The following GNAZ variants were observed in gnomAD, a reference collection of about 807,000 sequenced individuals.
GNAZ encodes G protein subunit alpha z.
A neutral mutation model predicts 25.4 loss-of-function variants in GNAZ; 3 were observed. The ratio of observed to expected loss-of-function variants is 0.12; its 90% CI spans 0.05 to 0.30. The LOEUF is 0.30. GNAZ is among the 10% of genes least tolerant of loss of function. GNAZ has a pLI of 1.00. For missense variants in GNAZ, 241 were observed against 501.8 expected (o/e 0.48, Z 4.97); for synonymous variants, 211 against 205.7 (o/e 1.03, Z -0.22).
intron 1 of GNAZ, among the ~76,000 whole-genome samples, chr22:23,093,237 A>C (rs1331644700): frequency 1.3e-5 from 2 of 152,188 alleles, no homozygotes; most frequent in Non-Finnish European, 2.9e-5. Flanking sequence ...GTGACTGTTT[A>C]ATCACTGCCC....
At chr22:23,110,679 T>C (rs1254690539) in intron 2 of GNAZ, among the ~76,000 whole-genome samples, 2 of 152,256 alleles carry the variant, frequency 1.3e-5, no homozygotes. Flanking sequence ...ACTGGTCTGC[T>C]GTGGTGTGAG....
At chr22:23,099,242 G>T (rs1039542346) in intron 2 of GNAZ, among the ~76,000 whole-genome samples, 1 of 152,272 alleles carries the variant, frequency 6.6e-6, no homozygotes, top group Non-Finnish European at 1.5e-5. Context: ...GTGAGTGCAG[G>T]GCAGCACCTC....
Position 23,116,241 on chromosome 22 carries a change from C to T in GNAZ, c.724-6846C>T, listed in dbSNP as rs187004717. Among the ~76,000 whole-genome samples, 10 of 152,352 alleles carry T rather than the reference C, an allele frequency of 6.6e-5. No individual in the cohort carries two copies. In the South Asian group the frequency reaches 1.0e-3, roughly 16 times the overall value. ...GCCTTCTGGGGGCCACTGGCCTACT[C>T]GAGGCACAGTGAGTTGTGGGAACGA... On this transcript the variant is annotated intron_variant, in intron 2 of 2. Transcript: ENST00000615612.
chr22:23,099,196 G>A (rs1336709267), intron 2 of GNAZ, among the ~76,000 whole-genome samples: 1 of 152,258 alleles, frequency 6.6e-6, no homozygotes, highest in Non-Finnish European at 1.5e-5. Flanking sequence ...CAAGGAGAAC[G>A]TCAGTGTCTC....
chr22:23,096,482 G>A lies in GNAZ; in HGVS notation c.723+64G>A. 4 of 1,508,364 alleles carry A rather than the reference G, an allele frequency of 2.7e-6. No homozygotes were observed. The Admixed American group carries it at 7.1e-5, about 27-fold the overall frequency. The allele number at this position is 1,508,364 out of a possible 1,614,324, so 93.4% of individuals were successfully genotyped here. On this transcript the variant is annotated intron_variant, in intron 2 of 2. Transcript: ENST00000615612. ...TGTCGTGGGTTCCTGGAAGCAAGAGGACTCGTGAGGTCCAGGACAGTCTGC... is the reference window on the plus strand; with the variant it reads ...TGTCGTGGGTTCCTGGAAGCAAGAGAACTCGTGAGGTCCAGGACAGTCTGC...
chr22:23,076,347 G>A lies in GNAZ; in HGVS notation c.-450+5777G>A, dbSNP rs117881605. On this transcript the variant is annotated intron_variant, in intron 1 of 2. Transcript: ENST00000615612. ...AATCGCCACCCAGGGAGTCGCTGTG[G>A]AGGGACTGAATATTCGCAGACAGTC... Among the ~76,000 whole-genome samples, 389 of 152,344 alleles carry A rather than the reference G, an allele frequency of 2.6e-3. 1 individual carries two copies. The highest frequency in any genetic ancestry group is 3.9e-3 in the Non-Finnish European group (264 of 68,024).
intron 1 of GNAZ, among the ~76,000 whole-genome samples, chr22:23,094,612 G>A (rs2069072741): frequency 6.6e-6 from 1 of 152,218 alleles, no homozygotes; most frequent in Non-Finnish European, 1.5e-5. Context: ...GGCAGCCCCT[G>A]CCCACTGTGC....
intron 1 of GNAZ, among the ~76,000 whole-genome samples, chr22:23,079,841 G>A (rs986050816): frequency 3.3e-5 from 5 of 152,170 alleles, no homozygotes; most frequent in African/African-American, 1.2e-4. Context: ...GGAAAGGGAC[G>A]CAGGGAAGGC....
At chr22:23,121,417 G>T (rs77067192) in intron 2 of GNAZ, among the ~76,000 whole-genome samples, 4,715 of 152,236 alleles carry the variant, frequency 0.031, 252 homozygotes, top group African/African-American at 0.11. Flanking sequence ...CATCCTCCTG[G>T]GCACCCCTGC....
chr22:23,084,280 C>T (rs1189154423), intron 1 of GNAZ, among the ~76,000 whole-genome samples: 1 of 152,176 alleles, frequency 6.6e-6, no homozygotes, highest in African/African-American at 2.4e-5. Context: ...ACTTTGAGTA[C>T]TCATACAACC....
At chr22:23,073,141 G>A (rs573790046) in intron 1 of GNAZ, among the ~76,000 whole-genome samples, 1 of 152,372 alleles carries the variant, frequency 6.6e-6, no homozygotes, top group Admixed American at 6.5e-5. Context: ...GGTGTGTGGT[G>A]GCAAAGGCAC....
At chr22:23,122,824 C>A in intron 2 of GNAZ, 1 of 547,576 alleles carries the variant, frequency 1.8e-6, no homozygotes, top group Admixed American at 3.1e-5. Flanking sequence ...GTTGAGATCA[C>A]TGGCACCCAG....
At chr22:23,072,214 A>T (rs1438057105) in intron 1 of GNAZ, among the ~76,000 whole-genome samples, 1 of 152,154 alleles carries the variant, frequency 6.6e-6, no homozygotes, top group Non-Finnish European at 1.5e-5. Context: ...TTCGGGGATG[A>T]TGCTTAGCTA....
intron 2 of GNAZ, among the ~76,000 whole-genome samples, chr22:23,118,911 G>A (rs1250175934): frequency 6.6e-6 from 1 of 152,246 alleles, no homozygotes; most frequent in African/African-American, 2.4e-5. Context: ...TCCACCAAGG[G>A]CAGGAGGACC....
chr22:23,101,922 A>G (rs745575648), intron 2 of GNAZ, among the ~76,000 whole-genome samples: 7 of 152,200 alleles, frequency 4.6e-5, no homozygotes, highest in South Asian at 4.1e-4. Context: ...AGCTGGCCAC[A>G]TGATATCCCC....
At chr22:23,109,677 C>G (rs1012556361) in intron 2 of GNAZ, among the ~76,000 whole-genome samples, 12 of 152,210 alleles carry the variant, frequency 7.9e-5, no homozygotes, top group African/African-American at 2.9e-4. Flanking sequence ...CCGAGCCTGT[C>G]TCCCTCAGCA....
chr22:23,101,194 C>T (rs567970373), intron 2 of GNAZ, among the ~76,000 whole-genome samples: 9 of 152,282 alleles, frequency 5.9e-5, no homozygotes, highest in East Asian at 1.9e-4. Context: ...CCTAACCAGC[C>T]GGCTTTGCAG....
At chr22:23,119,387 T>G (rs1302220629) in intron 2 of GNAZ, among the ~76,000 whole-genome samples, 1 of 152,196 alleles carries the variant, frequency 6.6e-6, no homozygotes, top group Non-Finnish European at 1.5e-5. Context: ...CTTCAGCTGG[T>G]CAGGGTCCTG....
chr22:23,113,227 C>T (rs536799023), intron 2 of GNAZ, among the ~76,000 whole-genome samples: 5 of 152,336 alleles, frequency 3.3e-5, no homozygotes, highest in African/African-American at 1.2e-4. Context: ...CAGCTGGGGC[C>T]CCAGCGCCAC....
Sources: gnomAD v4.1 joint callset for allele counts (sites outside exome capture counted in the v4.1 genomes callset) on GRCh38, gnomAD v4.1.1 for gene constraint, MANE v1.5 for transcripts, NCBI Gene and HGNC (gene_info 2026-07-23, HGNC 2026-07-21) for gene names.